RRP12: variants seen among roughly 807,000 people sequenced by gnomAD.
RRP12 encodes RRP12-like protein.
Under a neutral mutation model 157.3 loss-of-function variants are expected in RRP12, and 78 were observed. The ratio of observed to expected loss-of-function variants is 0.50; its 90% CI spans 0.41 to 0.60. The LOEUF (loss-of-function observed/expected upper bound fraction) is 0.60. RRP12 is among the 20% of genes least tolerant of loss of function. The pLI is 0.00. For synonymous variants in RRP12, 726 were observed against 670.9 expected (o/e 1.08, Z -1.27); for missense variants, 1,521 against 1,679.9 (o/e 0.91, Z 1.65).
intron 10 of RRP12, among the ~76,000 whole-genome samples, chr10:97,384,837 G>A (rs567862300): frequency 1.4e-4 from 21 of 145,394 alleles, no homozygotes; most frequent in Non-Finnish European, 2.7e-4. Context: ...CAGCTAGGAC[G>A]GAGACCCTAA....
At position 97,372,067 on chromosome 10, in the gene RRP12, G is replaced by A; in HGVS notation, c.2343+6C>T. 1 of 1,607,778 alleles carries A rather than the reference G, an allele frequency of 6.2e-7. No homozygotes were observed. The highest frequency in any genetic ancestry group is 8.5e-7 in the Non-Finnish European group (1 of 1,175,600). Reference sequence around the variant, plus strand: ...CTGTGTGGCGCTCCTGGCCCCCGAGGCTCACCTCTAGGTAGGGCCGGATGG... The same window carrying A: ...CTGTGTGGCGCTCCTGGCCCCCGAGACTCACCTCTAGGTAGGGCCGGATGG... On this transcript the variant is annotated splice_donor_region_variant and intron_variant, in intron 20 of 33. Coordinates refer to ENST00000370992, the MANE Select transcript of RRP12 (RefSeq NM_015179.4).
At chr10:97,386,111 C>G (rs1251624704) in intron 8 of RRP12, 118 bp from the exon 9 acceptor site, 3 of 642,734 alleles carry the variant, frequency 4.7e-6, no homozygotes, top group Admixed American at 2.6e-5. Flanking sequence ...CACATGCCCC[C>G]CACACAGAGA....
At chr10:97,381,303 G>T in intron 12 of RRP12, 83 bp downstream of exon 12, 2 of 993,946 alleles carry the variant, frequency 2.0e-6, no homozygotes, top group South Asian at 1.7e-5. Context: ...GCCCACAGTA[G>T]GTGGAGAGTG....
intron 2 of RRP12, 121 bp from the exon 3 acceptor site, chr10:97,396,422 G>A (rs1844967184): frequency 1.3e-6 from 1 of 766,576 alleles, no homozygotes. Flanking sequence ...GACAAGACAG[G>A]CAACATTCAG....
intron 30 of RRP12, among the ~76,000 whole-genome samples, chr10:97,363,536 G>T (rs1340769520): frequency 6.6e-6 from 1 of 152,212 alleles, no homozygotes; most frequent in East Asian, 1.9e-4. Flanking sequence ...TGGGCACACA[G>T]CCATGCTCCC....
chr10:97,371,408 T>G (rs1315196456), intron 20 of RRP12: 1 of 343,642 alleles, frequency 2.9e-6, no homozygotes, highest in African/African-American at 2.1e-5. Flanking sequence ...CTCTTCTCTC[T>G]CCTTCCAAGA....
At chr10:97,363,821 A>T in intron 30 of RRP12, 33 bp downstream of exon 30, 2 of 1,597,324 alleles carry the variant, frequency 1.3e-6, no homozygotes, top group Non-Finnish European at 1.7e-6. Context: ...TTAGGTCTGA[A>T]GCCCTAGCCC....
In RRP12 at chr10:97,381,459, G is replaced by T. The variant is rs1246733559; in HGVS notation, c.1345C>A (p.Pro449Thr). ...ACGGAGCCAATGTCAGCCATGTGGG[G>T]AGCCACGCATTCCTTCAGGATCTCC... ...LKEILKECVA[P>T]HMADIGSVTS... Residue 449 changes from proline (P) to threonine (T), a missense_variant, in exon 12 of 34, where the codon CCC (proline) becomes ACC (threonine). By Grantham distance (38) the Pro-to-Thr change is conservative. Coordinates refer to ENST00000370992, the MANE Select transcript of RRP12 (RefSeq NM_015179.4). 1 of 1,613,078 alleles carries T rather than the reference G, an allele frequency of 6.2e-7. No homozygotes were observed. Among genetic ancestry groups the T allele is most frequent in the South Asian group, 1.1e-5 (1 of 90,886 alleles).
intron 30 of RRP12, among the ~76,000 whole-genome samples, chr10:97,361,885 G>A (rs984966915): frequency 6.6e-6 from 1 of 152,140 alleles, no homozygotes; most frequent in Admixed American, 6.5e-5. Flanking sequence ...GAGGTGGGTG[G>A]ATCACGAGGT....
chr10:97,399,268 C>T (rs1486213572), intron 2 of RRP12, among the ~76,000 whole-genome samples: 3 of 152,018 alleles, frequency 2.0e-5, no homozygotes, highest in Admixed American at 2.0e-4. Context: ...AGCGAAACTC[C>T]GGCTCCAGAA....
chr10:97,367,359 G>T (rs577454538), intron 25 of RRP12: 47 of 584,436 alleles, frequency 8.0e-5, no homozygotes, highest in Non-Finnish European at 1.3e-4. Flanking sequence ...ACCCTCGCAG[G>T]ATGAGAGCTT....
Position 97,373,148 on chromosome 10 carries a change from G to C in RRP12, c.2079C>G (p.Leu693=). ...SRFAKNFLPI[L]FNLYGQPVAA... ...CCACGGGCTGCCCATACAGGTTGAA[G>C]AGGATCGGCAGAAAGTTCTTGGCAA... Residue 693 remains leucine, a synonymous_variant, in exon 18 of 34, where the codon CTC becomes CTG. Coordinates refer to ENST00000370992, the MANE Select transcript of RRP12 (RefSeq NM_015179.4). The C allele has an allele frequency of 6.2e-7, 1 of 1,614,240 alleles. No homozygotes were observed.
In RRP12 at chr10:97,392,271, A is replaced by G. The variant is rs969507599; in HGVS notation, c.530+1413T>C. 9.2e-4 allele frequency among the ~76,000 whole-genome samples: 140 copies of G among 152,152 alleles called. 2 individuals carry two copies. The highest frequency in any genetic ancestry group is 4.9e-4 in the Non-Finnish European group (33 of 67,992). On this transcript the variant is annotated intron_variant, in intron 4 of 33. Transcript: ENST00000370992. ...TAGGTATGTGTCACCACACCCAGCC[A>G]AGTATACTCACATTGTTGTGCAACC...
Position 97,373,185 on chromosome 10 carries a change from T to G in RRP12, c.2042A>C (p.Glu681Ala). 2 of 1,614,104 alleles carry G rather than the reference T, an allele frequency of 1.2e-6. No homozygotes were observed. Among genetic ancestry groups the G allele is most frequent in the African/African-American group, 2.7e-5 (2 of 75,046 alleles). ...KGCQAEADRA[E>A]VSRFAKNFLP... ...AAAGTTCTTGGCAAAGCGACTCACTTCAGCACGGTCAGCCTCTGGTAAAAG... is the reference window on the plus strand; with the variant it reads ...AAAGTTCTTGGCAAAGCGACTCACTGCAGCACGGTCAGCCTCTGGTAAAAG... The change falls in exon 18 of 34, where the codon GAA (glutamate) becomes GCA (alanine). Residue 681 changes from glutamate to alanine, a missense_variant. Physicochemically the swap from Glu to Ala is moderately radical, Grantham distance 107 (BLOSUM62 -1). Coordinates refer to ENST00000370992, the MANE Select transcript of RRP12 (RefSeq NM_015179.4).
At chr10:97,375,200 C>T (rs568301045) in intron 15 of RRP12, among the ~76,000 whole-genome samples, 4 of 151,924 alleles carry the variant, frequency 2.6e-5, no homozygotes, top group African/African-American at 7.2e-5. Context: ...CTCAAGAAAT[C>T]CTCTTTCCTC....
At chr10:97,361,071 A>G (rs1589408894) in intron 30 of RRP12, among the ~76,000 whole-genome samples, 1 of 152,176 alleles carries the variant, frequency 6.6e-6, no homozygotes, top group East Asian at 1.9e-4. Context: ...ACTAAGTGCC[A>G]GGCCCTGGGG....
intron 29 of RRP12, 140 bp from the exon 30 acceptor site, chr10:97,364,043 A>G: frequency 1.4e-6 from 1 of 720,336 alleles, no homozygotes; most frequent in South Asian, 1.5e-5. Context: ...GACCAATATC[A>G]TCCTTCTGCT....
intron 4 of RRP12, among the ~76,000 whole-genome samples, chr10:97,392,323 G>T (rs1277525896): frequency 6.6e-6 from 1 of 151,534 alleles, no homozygotes; most frequent in Non-Finnish European, 1.5e-5. Flanking sequence ...TCATCTTAAA[G>T]AATCAAGGTT....
At chr10:97,382,292 A>G (rs1354170668) in intron 10 of RRP12, among the ~76,000 whole-genome samples, 1 of 151,946 alleles carries the variant, frequency 6.6e-6, no homozygotes. Flanking sequence ...CTACAGGCAC[A>G]TGCCACCATG....
Sources: allele counts gnomAD v4.1 joint callset (sites outside exome capture counted in the v4.1 genomes callset), GRCh38; gene constraint gnomAD v4.1.1; transcripts MANE v1.5; gene names NCBI Gene and HGNC (gene_info 2026-07-23, HGNC 2026-07-21).